Variants in SPOCK1 observed in about 807,000 individuals in gnomAD.
The protein encoded by SPOCK1 is testican-1.
In SPOCK1, 23 loss-of-function variants were observed where a neutral mutation model predicts 55.3. That is an observed-to-expected ratio of 0.42 (90% CI 0.30 to 0.59). The LOEUF (loss-of-function observed/expected upper bound fraction) is 0.59. SPOCK1 is among the 20% of genes least tolerant of loss of function. SPOCK1 has a pLI of 0.22. For missense variants in SPOCK1, 499 were observed against 552.5 expected (o/e 0.90, Z 0.97); for synonymous variants, 226 against 221.0 (o/e 1.02, Z -0.20).
At chr5:137,247,991 G>C (rs1490244600) in intron 3 of SPOCK1, among the ~76,000 whole-genome samples, 1 of 152,140 alleles carries the variant, frequency 6.6e-6, no homozygotes, top group Non-Finnish European at 1.5e-5. Flanking sequence ...TTCAACATGA[G>C]CTTTGGCTGC....
intron 6 of SPOCK1, among the ~76,000 whole-genome samples, chr5:137,004,879 G>C (rs1036711630): frequency 6.6e-6 from 1 of 152,164 alleles, no homozygotes; most frequent in African/African-American, 2.4e-5. Context: ...TAGACTTCTT[G>C]TTCAGCAAGA....
chr5:137,149,033 G>A (rs979025103), intron 3 of SPOCK1, among the ~76,000 whole-genome samples: 4 of 152,154 alleles, frequency 2.6e-5, no homozygotes, highest in Non-Finnish European at 5.9e-5. Context: ...AAGCCAAATT[G>A]CTGGCTATCT....
chr5:137,180,467 T>C (rs1256503459), intron 3 of SPOCK1, among the ~76,000 whole-genome samples: 1 of 152,084 alleles, frequency 6.6e-6, no homozygotes, highest in African/African-American at 2.4e-5. Flanking sequence ...TATACATTAG[T>C]ATCCCATTTC....
At chr5:137,025,045 T>C (rs557910764) in intron 6 of SPOCK1, among the ~76,000 whole-genome samples, 75 of 152,246 alleles carry the variant, frequency 4.9e-4, no homozygotes, top group African/African-American at 1.6e-3. Context: ...ATATGAGGTA[T>C]CAAAAACTGT....
chr5:137,381,276 T>C (rs917794968), intron 2 of SPOCK1, among the ~76,000 whole-genome samples: 1 of 152,134 alleles, frequency 6.6e-6, no homozygotes, highest in Admixed American at 6.5e-5. Flanking sequence ...TGGCATTGAG[T>C]GCCTGTGACT....
chr5:137,433,202 A>G (rs996538435), intron 2 of SPOCK1, among the ~76,000 whole-genome samples: 2 of 152,168 alleles, frequency 1.3e-5, no homozygotes, highest in Non-Finnish European at 2.9e-5. Flanking sequence ...GACTTGAAAA[A>G]CCAGAACCTT....
At chr5:137,239,292 G>A (rs376731212) in intron 3 of SPOCK1, among the ~76,000 whole-genome samples, 5 of 152,204 alleles carry the variant, frequency 3.3e-5, no homozygotes, top group Non-Finnish European at 7.3e-5. Context: ...CAACTCCACA[G>A]GGAAACTCCT....
At chr5:137,013,137 G>C (rs562650656) in intron 6 of SPOCK1, among the ~76,000 whole-genome samples, 1 of 152,236 alleles carries the variant, frequency 6.6e-6, no homozygotes, top group South Asian at 2.1e-4. Context: ...GAAGAGCATG[G>C]TTCTTTTTCT....
At chr5:137,009,138 C>T (rs148631344) in intron 6 of SPOCK1, among the ~76,000 whole-genome samples, 51 of 152,090 alleles carry the variant, frequency 3.4e-4, no homozygotes, top group African/African-American at 1.2e-3. Context: ...AAGCCTAACT[C>T]CATATTGATT....
At chr5:137,102,218 G>A (rs1322326434) in intron 5 of SPOCK1, among the ~76,000 whole-genome samples, 1 of 152,102 alleles carries the variant, frequency 6.6e-6, no homozygotes, top group African/African-American at 2.4e-5. Flanking sequence ...ACCAGAGCAG[G>A]CCAACCATAG....
In SPOCK1 at chr5:137,259,226, C is replaced by T. The variant is rs867053206; in HGVS notation, c.232+7784G>A. Among the ~76,000 whole-genome samples, 9 of 152,106 alleles carry T rather than the reference C, an allele frequency of 5.9e-5. No individual in the cohort carries two copies. In the East Asian group the frequency reaches 7.7e-4, roughly 13 times the overall value. ...GCGACACTGTTCACAATAGCAAAGACGTGGAACCAACCCAAATGCTCATTA... is the reference window on the plus strand; with the variant it reads ...GCGACACTGTTCACAATAGCAAAGATGTGGAACCAACCCAAATGCTCATTA... On this transcript the variant is annotated intron_variant, in intron 3 of 10. Coordinates refer to ENST00000394945, the MANE Select transcript of SPOCK1 (RefSeq NM_004598.4).
intron 2 of SPOCK1, among the ~76,000 whole-genome samples, chr5:137,443,753 C>T (rs1382028432): frequency 6.6e-6 from 1 of 152,188 alleles, no homozygotes; most frequent in Non-Finnish European, 1.5e-5. Flanking sequence ...CACTATCTTA[C>T]CCCGTTGTAT....
intron 3 of SPOCK1, among the ~76,000 whole-genome samples, chr5:137,246,292 A>C (rs1477320693): frequency 6.6e-6 from 1 of 152,226 alleles, no homozygotes; most frequent in African/African-American, 2.4e-5. Context: ...GTAACCATTT[A>C]CTATGATGCT....
At chr5:137,111,808 T>A (rs1029734768) in intron 5 of SPOCK1, among the ~76,000 whole-genome samples, 4 of 152,026 alleles carry the variant, frequency 2.6e-5, no homozygotes, top group African/African-American at 9.7e-5. Flanking sequence ...CCCTCATCCC[T>A]CCAATAAATA....
At chr5:137,440,102 A>C (rs931988256) in intron 2 of SPOCK1, among the ~76,000 whole-genome samples, 1 of 152,228 alleles carries the variant, frequency 6.6e-6, no homozygotes, top group Non-Finnish European at 1.5e-5. Context: ...AAATCTTTAA[A>C]ATGATTACCA....
chr5:137,473,197 A>T (rs1248433911), intron 2 of SPOCK1, among the ~76,000 whole-genome samples: 2 of 152,238 alleles, frequency 1.3e-5, no homozygotes, highest in Non-Finnish European at 1.5e-5. Flanking sequence ...GAAAATGTTC[A>T]AACAACCTAA....
At chr5:137,455,690 G>A (rs1753350145) in intron 2 of SPOCK1, among the ~76,000 whole-genome samples, 1 of 152,066 alleles carries the variant, frequency 6.6e-6, no homozygotes, top group South Asian at 2.1e-4. Context: ...CTCTTAAAAT[G>A]GAATCATTCC....
chr5:137,293,449 C>T (rs1757414924), intron 2 of SPOCK1, among the ~76,000 whole-genome samples: 1 of 152,106 alleles, frequency 6.6e-6, no homozygotes, highest in Non-Finnish European at 1.5e-5. Flanking sequence ...CCCTCTAGAG[C>T]TTCAAATCTC....
chr5:137,206,478 T>C (rs10064036), intron 3 of SPOCK1, among the ~76,000 whole-genome samples: 64,024 of 152,076 alleles, frequency 0.42, 14,099 homozygotes, highest in Middle Eastern at 0.49. Context: ...GAAGCGTACA[T>C]GACTGAATGG....
Sources: gnomAD v4.1 joint callset for allele counts (sites outside exome capture counted in the v4.1 genomes callset) on GRCh38, gnomAD v4.1.1 for gene constraint, MANE v1.5 for transcripts, NCBI Gene and HGNC (gene_info 2026-07-23, HGNC 2026-07-21) for gene names.